Variants in PRKAR1A observed in about 807,000 individuals in gnomAD.
PRKAR1A encodes the protein cAMP-dependent protein kinase type I-alpha regulatory subunit.
Under a neutral mutation model 52.0 loss-of-function variants are expected in PRKAR1A, and 3 were observed. The ratio of observed to expected loss-of-function variants is 0.06; its 90% CI spans 0.03 to 0.15. The LOEUF (loss-of-function observed/expected upper bound fraction) is 0.15. Ranked by LOEUF, PRKAR1A falls within the 10% of genes least tolerant of loss-of-function variation. The pLI, the probability that PRKAR1A is intolerant of heterozygous loss-of-function variation, is 1.00. For synonymous variants in PRKAR1A, 188 were observed against 168.4 expected, an observed-to-expected ratio of 1.12 and a Z score of -0.90; for missense variants, 240 against 477.4, an observed-to-expected ratio of 0.50 and a Z score of 4.63.
chr17:68,514,311 A>G (rs1023529829), intron 1 of PRKAR1A, among the ~76,000 whole-genome samples: 1 of 152,224 alleles, frequency 6.6e-6, no homozygotes, highest in Admixed American at 6.5e-5. Context: ...ATAGTTTACA[A>G]TGCATTATAA....
rs2086014078 is a variant in PRKAR1A at position 68,532,822 on chromosome 17, T to G, written c.*2373T>G. On this transcript the variant is annotated 3_prime_UTR_variant, in exon 11 of 11. Transcript: ENST00000589228. ...TTTCCGTCTTTCCTCTCTCTGTCCTTCCCCGAAAGTCTACTCGGGTGGGCA... is the reference window on the plus strand; with the variant it reads ...TTTCCGTCTTTCCTCTCTCTGTCCTGCCCCGAAAGTCTACTCGGGTGGGCA... 1 of 1,066,452 alleles carries G rather than the reference T, an allele frequency of 9.4e-7. No individual in the cohort carries two copies. The highest frequency in any genetic ancestry group is 5.0e-5 in the East Asian group (1 of 20,148). The allele number at this position is 1,066,452 out of a possible 1,614,324, so 66.1% of individuals were successfully genotyped here.
At chr17:68,529,804 C>A (rs1378614579) in intron 9 of PRKAR1A, 116 bp from the exon 10 acceptor site, 8 of 1,004,324 alleles carry the variant, frequency 8.0e-6, no homozygotes, top group South Asian at 2.6e-5. Flanking sequence ...ACTTTAAAGT[C>A]ATTTTTTATC....
the PRKAR1A span, among the ~76,000 whole-genome samples, chr17:68,483,475 C>A: frequency 6.6e-6 from 1 of 151,914 alleles, no homozygotes; most frequent in Non-Finnish European, 1.5e-5. Flanking sequence ...AGCAAGACTC[C>A]GTCTTAAAAC....
chr17:68,457,548 GCCCCTA>G, the PRKAR1A span: 8 of 167,608 alleles, frequency 4.8e-5, no homozygotes, highest in South Asian at 1.6e-4. Flanking sequence ...TCCCCACCCC[GCCCCTA>G]CCCCGCCCCG....
At chr17:68,542,946 G>A in intron 11 of PRKAR1A, 2 of 715,830 alleles carry the variant, frequency 2.8e-6, no homozygotes, top group Non-Finnish European at 2.5e-6. Context: ...ACTCTGCACT[G>A]TTGAGCTGGT....
chr17:68,529,882 G>A, intron 9 of PRKAR1A, 38 bp from the exon 10 acceptor site: 1 of 1,539,526 alleles, frequency 6.5e-7, no homozygotes, highest in Non-Finnish European at 8.9e-7. Context: ...GGGTTTGAGA[G>A]TGTGTGTTTG....
the PRKAR1A span, among the ~76,000 whole-genome samples, chr17:68,449,818 G>A: frequency 6.6e-6 from 1 of 152,156 alleles, no homozygotes; most frequent in Non-Finnish European, 1.5e-5. Flanking sequence ...AGTAATGTGA[G>A]AATAGACGAA....
intron 5 of PRKAR1A, 93 bp from the exon 6 acceptor site, chr17:68,524,819 A>T: frequency 2.1e-6 from 2 of 947,924 alleles, no homozygotes; most frequent in Non-Finnish European, 3.4e-6. Context: ...CTCTCACAGT[A>T]CCACTGTAAA....
the PRKAR1A span, among the ~76,000 whole-genome samples, chr17:68,450,296 A>T: frequency 6.6e-6 from 1 of 152,178 alleles, no homozygotes; most frequent in Non-Finnish European, 1.5e-5. Context: ...GGGAGCCCCC[A>T]CTTCACTCTC....
the PRKAR1A span, chr17:68,457,569 C>CGCCCCGTCCCCGCCCCT: frequency 7.4e-6 from 1 of 135,062 alleles, no homozygotes; most frequent in Admixed American, 1.2e-4. Context: ...GCCCCGTCCC[C>CGCCCCGTCCCCGCCCCT]ACCCCGCCCC....
intron 8 of PRKAR1A, among the ~76,000 whole-genome samples, 160 bp downstream of exon 8, chr17:68,528,060 T>C (rs2085847316): frequency 6.6e-6 from 1 of 152,338 alleles, no homozygotes; most frequent in South Asian, 2.1e-4. Flanking sequence ...TTCACAGTTA[T>C]TTCCTCTGTG....
At chr17:68,466,519 C>A in the PRKAR1A span, among the ~76,000 whole-genome samples, 1 of 144,600 alleles carries the variant, frequency 6.9e-6, no homozygotes, top group Non-Finnish European at 1.5e-5. Flanking sequence ...TCAAGCGATT[C>A]TAGTGCCTCG....
chr17:68,419,017 C>CAAA, the PRKAR1A span, among the ~76,000 whole-genome samples: 288 of 112,916 alleles, frequency 2.6e-3, 2 homozygotes, highest in African/African-American at 4.7e-3. Flanking sequence ...ATAGCAAAGC[C>CAAA]AAAAAAAAAA....
chr17:68,547,578 T>C (rs2086628321), intron 11 of PRKAR1A, among the ~76,000 whole-genome samples: 1 of 152,248 alleles, frequency 6.6e-6, no homozygotes, highest in African/African-American at 2.4e-5. Flanking sequence ...GGAGATGGCT[T>C]TTTTCCTTAA....
chr17:68,437,948 TAAAAAAA>T, the PRKAR1A span, among the ~76,000 whole-genome samples: 34,195 of 79,840 alleles, frequency 0.43, 5,806 homozygotes, highest in Admixed American at 0.58. Flanking sequence ...ACATCTCTCT[TAAAAAAA>T]AAAAAAAAAA....
chr17:68,527,977 C>T, intron 8 of PRKAR1A, 77 bp downstream of exon 8: 1 of 1,292,182 alleles, frequency 7.7e-7, no homozygotes, highest in Non-Finnish European at 1.1e-6. Context: ...TGGGAAAAGC[C>T]TTCTGAAAGT....
At chr17:68,414,673 G>C in the PRKAR1A span, among the ~76,000 whole-genome samples, 3 of 152,034 alleles carry the variant, frequency 2.0e-5, no homozygotes, top group African/African-American at 7.2e-5. Flanking sequence ...TGTTGTTGTT[G>C]TTGTTGGTAA....
chr17:68,550,369 C>CTTTTTTTT lies in PRKAR1A; in HGVS notation c.974-695_974-688dup, dbSNP rs747654899. On this transcript the variant is annotated intron_variant, in intron 11 of 11. Coordinates refer to the PRKAR1A transcript ENST00000585981. ...CTTTCACATAGGAAAAATGGGGGAA[C>CTTTTTTTT]TTTTTTTTTTTTTTTTTTTTTTTTT... Among the ~76,000 whole-genome samples, 4 of 79,390 alleles carry CTTTTTTTT rather than the reference C, an allele frequency of 5.0e-5. 1 individual carries two copies. The highest frequency in any genetic ancestry group is 3.7e-4 in the Admixed American group (2 of 5,358). 52.1% of individuals were successfully genotyped at this position (79,390 alleles called of 152,430 possible).
chr17:68,512,812 C>G (rs1307765050), intron 1 of PRKAR1A: 1 of 152,174 alleles, frequency 6.6e-6, no homozygotes, highest in Non-Finnish European at 1.5e-5. Context: ...GCCCCCACCC[C>G]ACGGCTCCTG....
Sources: allele counts gnomAD v4.1 joint callset (sites outside exome capture counted in the v4.1 genomes callset), GRCh38; gene constraint gnomAD v4.1.1; transcripts MANE v1.5; gene names NCBI Gene and HGNC (gene_info 2026-07-23, HGNC 2026-07-21).